JMJD1C: variants seen among roughly 807,000 people sequenced by gnomAD.
JMJD1C encodes jumonji domain containing 1C.
A neutral mutation model predicts 245.3 loss-of-function variants in JMJD1C; 31 were observed. The observed-to-expected ratio is 0.13, with a 90% CI of 0.09 to 0.17. The LOEUF is 0.17. Among genes scored for constraint, JMJD1C ranks in the 10% least tolerant of loss-of-function variants. The pLI is 1.00. For synonymous variants in JMJD1C, 1,057 were observed against 1,017.4 expected, an observed-to-expected ratio of 1.04 and a Z score of -0.74; for missense variants, 2,691 against 3,000.2, an observed-to-expected ratio of 0.90 and a Z score of 2.41.
At chr10:63,202,245 CTCTG>C (rs1846103946) in intron 10 of JMJD1C, 2 of 953,570 alleles carry the variant, frequency 2.1e-6, no homozygotes, top group Middle Eastern at 5.4e-4. Flanking sequence ...CGGAGTAAGA[CTCTG>C]TCTAAAAATA....
intron 7 of JMJD1C, 42 bp downstream of exon 7, chr10:63,215,221 T>G (rs781141520): frequency 6.4e-7 from 1 of 1,553,808 alleles, no homozygotes; most frequent in East Asian, 2.2e-5. Context: ...GTATTTTTGT[T>G]TTATTTGTTT....
chr10:63,211,450 G>C (rs553588084), intron 8 of JMJD1C, among the ~76,000 whole-genome samples: 3 of 134,830 alleles, frequency 2.2e-5, no homozygotes, highest in African/African-American at 8.1e-5. Context: ...TGGCAACAGA[G>C]GGAGACTCCA....
intron 3 of JMJD1C, among the ~76,000 whole-genome samples, chr10:63,224,174 T>C (rs1339012286): frequency 6.6e-6 from 1 of 152,238 alleles, no homozygotes; most frequent in African/African-American, 2.4e-5. Flanking sequence ...TTAAAAACTG[T>C]TAAATTGAGT....
intron 2 of JMJD1C, among the ~76,000 whole-genome samples, chr10:63,322,569 C>A (rs538942683): frequency 6.6e-6 from 1 of 152,244 alleles, no homozygotes; most frequent in East Asian, 1.9e-4. Context: ...ACTCCCAGCA[C>A]TTTGGGAGGC....
chr10:63,499,398 A>G (rs1954469637), intron 1 of JMJD1C, among the ~76,000 whole-genome samples: 1 of 152,182 alleles, frequency 6.6e-6, no homozygotes, highest in Admixed American at 6.5e-5. Context: ...TTCTTTTCTG[A>G]TAATAGCTGT....
rs1564593699 is a variant in JMJD1C at position 63,200,639 on chromosome 10, CTT to C, written c.5111_5112del (p.Lys1704SerfsTer15). ...TCCCCAGTTTGCTTCAGCTTCTTGA[CTT>C]TACGCCAATCTTTCAATACTGAACG... is the stretch of plus-strand genomic sequence containing the variant. ...IPRSVLKDWRKVKKLKQTGES... is the reference protein window; with the variant it reads ...IPRSVLKDWRXVKKLKQTGES... On this transcript the variant is annotated frameshift_variant, in exon 11 of 26. Coordinates refer to ENST00000399262, the MANE Select transcript of JMJD1C (RefSeq NM_032776.3). LOFTEE classifies it high-confidence loss of function. 6.2e-7 allele frequency: 1 copy of C among 1,614,050 alleles called. No homozygotes were observed.
chr10:63,491,961 T>C (rs1954192351), intron 1 of JMJD1C, among the ~76,000 whole-genome samples: 1 of 152,248 alleles, frequency 6.6e-6, no homozygotes, highest in African/African-American at 2.4e-5. Flanking sequence ...GCGGGGGGAA[T>C]GCAACCTAGC....
chr10:63,375,186 T>TTTA (rs1946630458), intron 2 of JMJD1C, among the ~76,000 whole-genome samples: 1 of 140,184 alleles, frequency 7.1e-6, no homozygotes, highest in African/African-American at 2.6e-5. Flanking sequence ...AAATTGGCTT[T>TTTA]TTTTTTTTTT....
intron 1 of JMJD1C, among the ~76,000 whole-genome samples, chr10:63,496,978 T>C (rs530733110): frequency 6.6e-6 from 1 of 152,338 alleles, no homozygotes; most frequent in East Asian, 1.9e-4. Flanking sequence ...CAGCCAATTA[T>C]AACATGTAAC....
Position 63,191,068 on chromosome 10 carries a change from T to C in JMJD1C, c.6117A>G (p.Glu2039=). 6.2e-7 allele frequency: 1 copy of C among 1,613,978 alleles called. No homozygotes were observed. Among genetic ancestry groups the C allele is most frequent in the Non-Finnish European group, 8.5e-7 (1 of 1,179,818 alleles). ...ELTLENQIKE[E]REQDNSESPN... ...GAGATTCAGAGTTGTCTTGTTCTCT[T>C]TCTTCTTTAATTTGGTTTTCAAGGG... The change falls in exon 17 of 26, where the codon GAA becomes GAG. Residue 2039 remains glutamate, a synonymous_variant. Coordinates refer to ENST00000399262, the MANE Select transcript of JMJD1C (RefSeq NM_032776.3).
At chr10:63,319,739 T>A (rs1015454328) in intron 2 of JMJD1C, among the ~76,000 whole-genome samples, 27 of 152,164 alleles carry the variant, frequency 1.8e-4, no homozygotes, top group African/African-American at 5.8e-4. Context: ...TTCAAATAGA[T>A]CAATTCTGTT....
At chr10:63,223,746 A>G (rs1464330262) in intron 3 of JMJD1C, among the ~76,000 whole-genome samples, 3 of 151,472 alleles carry the variant, frequency 2.0e-5, no homozygotes, top group Admixed American at 1.3e-4. Context: ...ATTTATTTAT[A>G]AATATTTTTT....
chr10:63,245,160 G>C (rs1243138278), intron 3 of JMJD1C, among the ~76,000 whole-genome samples: 1 of 130,272 alleles, frequency 7.7e-6, no homozygotes, highest in Non-Finnish European at 1.7e-5. Context: ...AAAAAAAAGA[G>C]AGATTAAAAA....
At chr10:63,216,885 G>A (rs537971773) in intron 5 of JMJD1C, among the ~76,000 whole-genome samples, 5 of 152,128 alleles carry the variant, frequency 3.3e-5, no homozygotes, top group African/African-American at 1.2e-4. Flanking sequence ...TTTTATTACT[G>A]GAGGGACAGA....
chr10:63,463,066 T>C lies in JMJD1C; in HGVS notation c.168+2429A>G, dbSNP rs115072788. On this transcript the variant is annotated intron_variant, in intron 1 of 25. Transcript: ENST00000399262. ...GCCTGGTGTATCCAGCCAGGACTTC[T>C]AGTAGACTTAACAGGTTTTTAATTA... 6.1e-3 allele frequency among the ~76,000 whole-genome samples: 933 copies of C among 152,302 alleles called. 11 individuals are homozygous for C. The highest frequency in any genetic ancestry group is 0.021 in the African/African-American group (861 of 41,560).
At chr10:63,405,757 G>GT (rs1389274945) in intron 1 of JMJD1C, among the ~76,000 whole-genome samples, 1 of 152,170 alleles carries the variant, frequency 6.6e-6, no homozygotes, top group Non-Finnish European at 1.5e-5. Context: ...TGTGAAAGTA[G>GT]TAACTCTAGT....
intron 2 of JMJD1C, among the ~76,000 whole-genome samples, chr10:63,276,465 C>CAA (rs551525973): frequency 2.3e-4 from 22 of 93,688 alleles, no homozygotes; most frequent in Middle Eastern, 5.0e-3. Context: ...GATTCCGTCT[C>CAA]AAAAAAAAAA....
In JMJD1C at chr10:63,234,397, A is replaced by AGTGGGAGGATTGCTTGAGC; in HGVS notation, c.448-14433_448-14415dup. Reference sequence around the variant, plus strand: ...TAGTCCCAGCTACTTGAGAGGCTGAAGTGGGAGGATTGCTTGAGCATGGGA... The same window carrying AGTGGGAGGATTGCTTGAGC: ...TAGTCCCAGCTACTTGAGAGGCTGAAGTGGGAGGATTGCTTGAGCGTGGGAGGATTGCTTGAGCATGGGA... On this transcript the variant is annotated intron_variant, in intron 3 of 25. Coordinates refer to ENST00000399262, the MANE Select transcript of JMJD1C (RefSeq NM_032776.3). 2.0e-5 allele frequency among the ~76,000 whole-genome samples: 3 copies of AGTGGGAGGATTGCTTGAGC among 148,270 alleles called. No homozygotes were observed. In the South Asian group the frequency reaches 6.7e-4, roughly 33 times the overall value.
At chr10:63,452,172 A>T (rs951623687) in intron 1 of JMJD1C, among the ~76,000 whole-genome samples, 2 of 152,216 alleles carry the variant, frequency 1.3e-5, no homozygotes, top group Non-Finnish European at 2.9e-5. Context: ...CAGAATAGAG[A>T]ATATATCTCT....
Sources: gnomAD v4.1 joint callset for allele counts (sites outside exome capture counted in the v4.1 genomes callset) on GRCh38, gnomAD v4.1.1 for gene constraint, MANE v1.5 for transcripts, NCBI Gene and HGNC (gene_info 2026-07-23, HGNC 2026-07-21) for gene names.